The following TNS1 variants were observed in gnomAD, a reference collection of about 807,000 sequenced individuals.
The protein encoded by TNS1 is tensin-1.
TNS1 carries 62 observed loss-of-function variants against 168.6 expected under a neutral mutation model. That is an observed-to-expected ratio of 0.37 (90% CI 0.30 to 0.45). The LOEUF (loss-of-function observed/expected upper bound fraction) is 0.45. TNS1 is among the 20% of genes least tolerant of loss of function. The pLI, the probability that TNS1 is intolerant of heterozygous loss-of-function variation, is 1.00. For synonymous variants in TNS1, 934 were observed against 933.2 expected (o/e 1.00, Z -0.02); for missense variants, 2,240 against 2,339.4 (o/e 0.96, Z 0.88).
chr2:217,810,213 C>T (rs201897637), intron 29 of TNS1, 35 bp downstream of exon 29: 2 of 1,611,026 alleles, frequency 1.2e-6, no homozygotes, highest in East Asian at 4.5e-5. Flanking sequence ...GAAAGAGAGG[C>T]CTGGGCATGG....
At chr2:217,931,131 T>G (rs2125903789) in intron 3 of TNS1, among the ~76,000 whole-genome samples, 1 of 152,004 alleles carries the variant, frequency 6.6e-6, no homozygotes, top group African/African-American at 2.4e-5. Context: ...TGTGGCCCGG[T>G]GGGGGAGACA....
At chr2:218,022,431 T>C (rs1958813659) in intron 1 of TNS1, among the ~76,000 whole-genome samples, 1 of 152,164 alleles carries the variant, frequency 6.6e-6, no homozygotes, top group African/African-American at 2.4e-5. Context: ...AAGACCCCTC[T>C]CTGCCCTACA....
chr2:217,897,857 G>T lies in TNS1; in HGVS notation c.484C>A (p.Arg162=). The T allele has an allele frequency of 1.2e-6, 2 of 1,613,436 alleles. No homozygotes were observed. The highest frequency in any genetic ancestry group is 1.7e-6 in the Non-Finnish European group (2 of 1,179,662). The change falls in exon 8 of 33, where the codon CGG becomes AGG. Residue 162 remains arginine (R), a synonymous_variant. Transcript: ENST00000682258. ...TGCGCCACCTCACGGAGGTTGCTCC[G>T]GAAGTTCTCCTCATTGGCTGTGCTG... The part of the protein sequence containing the change: ...FPSTANEENF[R]SNLREVAQML...
chr2:217,884,510 G>A (rs1951006706), intron 16 of TNS1, among the ~76,000 whole-genome samples: 1 of 152,114 alleles, frequency 6.6e-6, no homozygotes, highest in Non-Finnish European at 1.5e-5. Context: ...CTCAGAAAAT[G>A]GTTCCCCCTT....
intron 18 of TNS1, among the ~76,000 whole-genome samples, chr2:217,879,879 C>A (rs1433220809): frequency 6.6e-6 from 1 of 152,188 alleles, no homozygotes; most frequent in East Asian, 1.9e-4. Context: ...ACAGCCCCAC[C>A]CAGGACTGGC....
chr2:217,831,162 G>A (rs981667672), intron 22 of TNS1, among the ~76,000 whole-genome samples: 4 of 152,180 alleles, frequency 2.6e-5, no homozygotes, highest in Non-Finnish European at 4.4e-5. Context: ...CACCTAGAAT[G>A]TGTGGCTTCC....
At chr2:217,908,148 T>G (rs1315240838) in intron 4 of TNS1, among the ~76,000 whole-genome samples, 2 of 152,198 alleles carry the variant, frequency 1.3e-5, no homozygotes, top group African/African-American at 4.8e-5. Context: ...GGAAACTCCC[T>G]CCTACCAGGG....
chr2:217,965,161 C>T (rs983613942), intron 3 of TNS1, among the ~76,000 whole-genome samples: 4 of 152,160 alleles, frequency 2.6e-5, no homozygotes, highest in Non-Finnish European at 5.9e-5. Context: ...TTCTGGGGCA[C>T]TTAGCTGTTT....
chr2:217,887,573 G>A (rs1054152239), intron 12 of TNS1, among the ~76,000 whole-genome samples: 3 of 152,210 alleles, frequency 2.0e-5, no homozygotes. Context: ...CTCCCAAAGT[G>A]CTGGGATTAC....
intron 1 of TNS1, among the ~76,000 whole-genome samples, chr2:218,030,589 G>T (rs933018849): frequency 2.0e-5 from 3 of 152,218 alleles, no homozygotes; most frequent in African/African-American, 7.2e-5. Context: ...ATGGCCAAGC[G>T]CATCTGGCTT....
At chr2:217,999,666 A>G (rs969885177) in intron 1 of TNS1, among the ~76,000 whole-genome samples, 7 of 152,236 alleles carry the variant, frequency 4.6e-5, no homozygotes, top group African/African-American at 1.7e-4. Context: ...ACCAAACTAG[A>G]GAGAACGAGT....
intron 19 of TNS1, 116 bp from the exon 20 acceptor site, chr2:217,836,327 C>G: frequency 2.0e-6 from 2 of 1,013,372 alleles, no homozygotes; most frequent in Non-Finnish European, 2.8e-6. Flanking sequence ...TGCTGGGGCT[C>G]GCCTGTCATC....
chr2:217,934,795 C>G (rs1381397175), intron 3 of TNS1, among the ~76,000 whole-genome samples: 1 of 152,200 alleles, frequency 6.6e-6, no homozygotes, highest in Non-Finnish European at 1.5e-5. Flanking sequence ...GATGGCATCC[C>G]AGCAGATGCC....
chr2:217,942,706 C>A (rs1053642947), intron 3 of TNS1, among the ~76,000 whole-genome samples: 1 of 152,122 alleles, frequency 6.6e-6, no homozygotes, highest in Non-Finnish European at 1.5e-5. Flanking sequence ...AGAAGAGAAG[C>A]CCTTGTCTCC....
intron 8 of TNS1, 59 bp from the exon 9 acceptor site, chr2:217,895,115 G>C: frequency 6.6e-7 from 1 of 1,519,750 alleles, no homozygotes; most frequent in South Asian, 1.2e-5. Flanking sequence ...GCGGCGAGGA[G>C]AGAGAGAACC....
intron 21 of TNS1, among the ~76,000 whole-genome samples, chr2:217,834,299 C>T (rs942533706): frequency 6.6e-6 from 1 of 152,252 alleles, no homozygotes; most frequent in Non-Finnish European, 1.5e-5. Context: ...CAGTGGATAG[C>T]TTGAGCCAGG....
intron 22 of TNS1, chr2:217,830,077 G>A: frequency 6.2e-6 from 5 of 801,474 alleles, no homozygotes; most frequent in Non-Finnish European, 7.5e-6. Context: ...GCTGTCCACA[G>A]AAGGACTCCA....
At chr2:218,030,978 G>T (rs546508917) in intron 1 of TNS1, among the ~76,000 whole-genome samples, 2 of 151,630 alleles carry the variant, frequency 1.3e-5, no homozygotes, top group African/African-American at 4.8e-5. Flanking sequence ...TGTGAACTGT[G>T]TGTATGAGTG....
intron 19 of TNS1, among the ~76,000 whole-genome samples, chr2:217,838,025 A>G (rs1335764992): frequency 6.6e-6 from 1 of 152,238 alleles, no homozygotes; most frequent in Non-Finnish European, 1.5e-5. Context: ...AGACATAGCC[A>G]TTGATTTTCT....
Sources: allele counts gnomAD v4.1 joint callset (sites outside exome capture counted in the v4.1 genomes callset), GRCh38; gene constraint gnomAD v4.1.1; transcripts MANE v1.5; gene names NCBI Gene and HGNC (gene_info 2026-07-23, HGNC 2026-07-21).